The following AGBL4 variants were observed in gnomAD, a reference collection of about 807,000 sequenced individuals.
The protein encoded by AGBL4 is cytosolic carboxypeptidase 6.
A neutral mutation model predicts 66.4 loss-of-function variants in AGBL4; 58 were observed. The observed-to-expected ratio is 0.87, with a 90% CI of 0.71 to 1.09. The LOEUF (loss-of-function observed/expected upper bound fraction) is 1.09. Among genes scored for constraint, AGBL4 ranks in the 50% least tolerant of loss-of-function variants. The pLI is 0.00. For missense variants in AGBL4, 579 were observed against 631.0 expected, an observed-to-expected ratio of 0.92 and a Z score of 0.88; for synonymous variants, 234 against 222.9, an observed-to-expected ratio of 1.05 and a Z score of -0.44.
At chr1:48,776,528 TCCGCCCGGGCCCCCGGCC>T (rs1023721871) in intron 6 of AGBL4, 41 of 660,304 alleles carry the variant, frequency 6.2e-5, no homozygotes, top group Non-Finnish European at 8.8e-5. Context: ...CCCGGTCCCC[TCCGCCCGGGCCCCCGGCC>T]CCTCCCGGGG....
chr1:49,509,124 A>T (rs2148778357), intron 3 of AGBL4, among the ~76,000 whole-genome samples: 1 of 151,908 alleles, frequency 6.6e-6, no homozygotes, highest in South Asian at 2.1e-4. Flanking sequence ...AGGTGGGGGC[A>T]GGGAGGATCA....
At chr1:48,562,004 T>G (rs1206283646) in intron 11 of AGBL4, among the ~76,000 whole-genome samples, 1 of 152,204 alleles carries the variant, frequency 6.6e-6, no homozygotes, top group Non-Finnish European at 1.5e-5. Flanking sequence ...GATGTAGATA[T>G]GGATATAGAC....
At chr1:49,235,034 G>T (rs1650609668) in intron 4 of AGBL4, among the ~76,000 whole-genome samples, 2 of 152,142 alleles carry the variant, frequency 1.3e-5, no homozygotes, top group African/African-American at 4.8e-5. Context: ...TATGTAGGCT[G>T]TTTCATATTA....
At chr1:49,578,135 T>C (rs1033308931) in intron 3 of AGBL4, among the ~76,000 whole-genome samples, 1 of 152,320 alleles carries the variant, frequency 6.6e-6, no homozygotes, top group African/African-American at 2.4e-5. Context: ...CTGGATACTT[T>C]AGTCTCCTCC....
At chr1:48,798,946 T>C (rs1645751442) in intron 6 of AGBL4, among the ~76,000 whole-genome samples, 1 of 152,230 alleles carries the variant, frequency 6.6e-6, no homozygotes, top group South Asian at 2.1e-4. Context: ...TGAAGTCTGG[T>C]AATGTGATGC....
intron 1 of AGBL4, among the ~76,000 whole-genome samples, chr1:49,874,968 C>T (rs960005721): frequency 1.0e-5 from 1 of 96,824 alleles, no homozygotes; most frequent in African/African-American, 4.0e-5. Context: ...AATGCTATCC[C>T]TCCCCCCTCC....
intron 3 of AGBL4, among the ~76,000 whole-genome samples, chr1:49,314,313 A>G (rs528952393): frequency 6.6e-6 from 1 of 152,120 alleles, no homozygotes; most frequent in African/African-American, 2.4e-5. Context: ...TACACGTGCC[A>G]TGGTGGTTTG....
intron 6 of AGBL4, among the ~76,000 whole-genome samples, chr1:48,823,255 A>C (rs1299601292): frequency 1.3e-5 from 2 of 152,176 alleles, no homozygotes; most frequent in Non-Finnish European, 2.9e-5. Context: ...ATCACCATCT[A>C]TCACCTCTGG....
intron 5 of AGBL4, among the ~76,000 whole-genome samples, chr1:48,969,166 A>G (rs888260312): frequency 1.4e-5 from 2 of 138,552 alleles, no homozygotes; most frequent in East Asian, 4.3e-4. Flanking sequence ...TCATTAAATT[A>G]GGAACTTTCC....
intron 9 of AGBL4, among the ~76,000 whole-genome samples, chr1:48,595,937 G>A (rs1006359596): frequency 2.0e-5 from 3 of 152,216 alleles, no homozygotes; most frequent in African/African-American, 7.2e-5. Context: ...AAGGACAGAG[G>A]AGTTTTATCT....
At chr1:49,840,575 A>G (rs1645966194) in intron 2 of AGBL4, among the ~76,000 whole-genome samples, 1 of 152,148 alleles carries the variant, frequency 6.6e-6, no homozygotes, top group Non-Finnish European at 1.5e-5. Context: ...AAGAAAGGAA[A>G]CTTCAGGTCA....
chr1:48,947,296 T>C (rs572208655), intron 5 of AGBL4, among the ~76,000 whole-genome samples: 1 of 152,358 alleles, frequency 6.6e-6, no homozygotes, highest in East Asian at 1.9e-4. Context: ...GTTTGTCTAC[T>C]TTGCCAGAAT....
At chr1:49,371,780 C>T (rs1644350188) in intron 3 of AGBL4, among the ~76,000 whole-genome samples, 1 of 150,366 alleles carries the variant, frequency 6.7e-6, no homozygotes, top group Non-Finnish European at 1.5e-5. Flanking sequence ...TGGAAATTAT[C>T]ATTGTGTGTC....
At chr1:49,422,160 T>C (rs1645560696) in intron 3 of AGBL4, among the ~76,000 whole-genome samples, 1 of 152,172 alleles carries the variant, frequency 6.6e-6, no homozygotes. Context: ...TTCAGCAATA[T>C]AGATGCAGGC....
intron 1 of AGBL4, among the ~76,000 whole-genome samples, chr1:49,860,953 A>G (rs989508739): frequency 2.0e-5 from 3 of 152,106 alleles, no homozygotes; most frequent in African/African-American, 7.2e-5. Context: ...TCCCCAACCC[A>G]GGCAGCTACA....
At chr1:49,953,212 T>G (rs949893350) in intron 1 of AGBL4, among the ~76,000 whole-genome samples, 1 of 151,972 alleles carries the variant, frequency 6.6e-6, no homozygotes, top group Non-Finnish European at 1.5e-5. Context: ...AAGTACATAT[T>G]CCCATATGTG....
intron 1 of AGBL4, among the ~76,000 whole-genome samples, chr1:49,900,188 T>C (rs776785866): frequency 7.2e-5 from 11 of 152,196 alleles, no homozygotes; most frequent in Non-Finnish European, 1.5e-4. Context: ...TAGAAGCTAG[T>C]GTCTCCTAAT....
At chr1:48,966,127 C>T (rs966349087) in intron 5 of AGBL4, among the ~76,000 whole-genome samples, 11 of 152,220 alleles carry the variant, frequency 7.2e-5, no homozygotes, top group Admixed American at 6.5e-4. Flanking sequence ...AAGAACCACA[C>T]CTTGTACAGT....
intron 3 of AGBL4, among the ~76,000 whole-genome samples, chr1:49,484,418 T>TA (rs1388427541): frequency 6.6e-6 from 1 of 152,016 alleles, no homozygotes; most frequent in African/African-American, 2.4e-5. Flanking sequence ...TATTCAGCCG[T>TA]AAAAAAAGAA....
Sources: gnomAD v4.1 joint callset for allele counts (sites outside exome capture counted in the v4.1 genomes callset) on GRCh38, gnomAD v4.1.1 for gene constraint, MANE v1.5 for transcripts, NCBI Gene and HGNC (gene_info 2026-07-23, HGNC 2026-07-21) for gene names.